Variants in LUZP2 observed in about 807,000 individuals in gnomAD.
The protein encoded by LUZP2 is leucine zipper protein 2.
LUZP2 carries 52 observed loss-of-function variants against 51.6 expected under a neutral mutation model. The ratio of observed to expected loss-of-function variants is 1.01; its 90% CI spans 0.81 to 1.27. LUZP2 has a LOEUF of 1.27. Among genes scored for constraint, LUZP2 ranks in the 50% most tolerant of loss-of-function variants. The pLI is 0.00. For synonymous variants in LUZP2, 154 were observed against 137.3 expected (o/e 1.12, Z -0.85); for missense variants, 436 against 395.4 (o/e 1.10, Z -0.87).
chr11:24,529,424 C>T (rs1850923472), intron 1 of LUZP2, among the ~76,000 whole-genome samples: 1 of 150,914 alleles, frequency 6.6e-6, no homozygotes, highest in Non-Finnish European at 1.5e-5. Flanking sequence ...AATCATGGTC[C>T]TCCTGAAAGT....
chr11:24,655,514 G>T (rs1306504917), intron 1 of LUZP2, among the ~76,000 whole-genome samples: 1 of 152,090 alleles, frequency 6.6e-6, no homozygotes, highest in African/African-American at 2.4e-5. Flanking sequence ...TCTTTAGATT[G>T]TAGGTACTTA....
At chr11:24,823,590 C>A (rs1434549991) in intron 5 of LUZP2, among the ~76,000 whole-genome samples, 3 of 151,980 alleles carry the variant, frequency 2.0e-5, no homozygotes, top group African/African-American at 7.3e-5. Flanking sequence ...AGCAATAGGT[C>A]CAAGTTGGTG....
At chr11:24,846,045 C>T (rs2631471) in intron 5 of LUZP2, among the ~76,000 whole-genome samples, 23,070 of 151,684 alleles carry the variant, frequency 0.15, 1,925 homozygotes, top group African/African-American at 0.2. Context: ...ATCCATTCAA[C>T]GCAGGCAAGG....
At chr11:25,027,035 A>G (rs912688493) in intron 9 of LUZP2, among the ~76,000 whole-genome samples, 7 of 152,002 alleles carry the variant, frequency 4.6e-5, no homozygotes, top group African/African-American at 1.7e-4. Context: ...ACAGATCACA[A>G]CCATCCACAA....
chr11:24,846,958 T>C (rs953169096), intron 5 of LUZP2, among the ~76,000 whole-genome samples: 1 of 151,724 alleles, frequency 6.6e-6, no homozygotes, highest in African/African-American at 2.4e-5. Context: ...CATATGTACG[T>C]ATATGTATAT....
At chr11:24,705,699 C>T (rs1226888513) in intron 1 of LUZP2, among the ~76,000 whole-genome samples, 2 of 152,178 alleles carry the variant, frequency 1.3e-5, no homozygotes, top group Non-Finnish European at 2.9e-5. Context: ...ATGCTGCCCA[C>T]AGCCACTACA....
intron 8 of LUZP2, among the ~76,000 whole-genome samples, chr11:24,981,560 G>C (rs568259299): frequency 2.2e-4 from 33 of 151,842 alleles, no homozygotes; most frequent in Admixed American, 1.5e-3. Context: ...TGGGAATGCA[G>C]CCCAGTAGGT....
chr11:25,051,127 A>G (rs2134023609), intron 10 of LUZP2, among the ~76,000 whole-genome samples: 1 of 152,220 alleles, frequency 6.6e-6, no homozygotes, highest in Middle Eastern at 3.4e-3. Flanking sequence ...AGGAATAGAA[A>G]AGTAAGTTAA....
At chr11:24,888,016 T>C (rs1405934538) in intron 5 of LUZP2, among the ~76,000 whole-genome samples, 2 of 152,332 alleles carry the variant, frequency 1.3e-5, no homozygotes, top group South Asian at 4.1e-4. Context: ...CACAATGGTT[T>C]ATTTTATTTA....
At chr11:24,796,437 G>T (rs942622335) in intron 5 of LUZP2, among the ~76,000 whole-genome samples, 4 of 150,300 alleles carry the variant, frequency 2.7e-5, no homozygotes, top group Non-Finnish European at 4.4e-5. Context: ...TATATAGGTT[G>T]CCCATAAAAA....
intron 5 of LUZP2, among the ~76,000 whole-genome samples, chr11:24,788,225 G>A (rs1489107065): frequency 8.5e-6 from 1 of 117,774 alleles, no homozygotes; most frequent in Non-Finnish European, 1.6e-5. Context: ...AGTCTCACTC[G>A]GTTGCCCAGG....
chr11:24,753,418 C>T (rs76814465), intron 4 of LUZP2, among the ~76,000 whole-genome samples: 1 of 152,102 alleles, frequency 6.6e-6, no homozygotes, highest in Non-Finnish European at 1.5e-5. Context: ...TTATGTCCCC[C>T]AGGGTATAGG....
chr11:25,043,494 A>G (rs142063763), intron 9 of LUZP2, among the ~76,000 whole-genome samples: 2 of 151,200 alleles, frequency 1.3e-5, no homozygotes, highest in East Asian at 2.0e-4. Context: ...GAAAGCAAAA[A>G]GCACACTGCG....
intron 4 of LUZP2, among the ~76,000 whole-genome samples, chr11:24,756,969 C>A (rs991522806): frequency 6.6e-5 from 10 of 152,282 alleles, no homozygotes; most frequent in African/African-American, 2.2e-4. Flanking sequence ...GAAACATCTA[C>A]ATTTACTAGT....
At chr11:24,781,964 A>G (rs1240383984) in intron 5 of LUZP2, among the ~76,000 whole-genome samples, 2 of 152,080 alleles carry the variant, frequency 1.3e-5, no homozygotes, top group African/African-American at 2.4e-5. Flanking sequence ...AAATCAATGC[A>G]TATGCCACGG....
chr11:24,579,542 T>C (rs1321387911), intron 1 of LUZP2, among the ~76,000 whole-genome samples: 3 of 152,142 alleles, frequency 2.0e-5, no homozygotes, highest in Non-Finnish European at 4.4e-5. Context: ...CAACTTTTGA[T>C]TCTTTGCTCT....
At chr11:24,858,871 C>A (rs906099966) in intron 5 of LUZP2, among the ~76,000 whole-genome samples, 12 of 152,116 alleles carry the variant, frequency 7.9e-5, no homozygotes, top group African/African-American at 2.7e-4. Flanking sequence ...GGGGATTATT[C>A]TTTAGTTTAT....
intron 9 of LUZP2, among the ~76,000 whole-genome samples, chr11:25,011,195 A>G (rs753450722): frequency 4.6e-5 from 7 of 152,206 alleles, no homozygotes; most frequent in South Asian, 2.1e-4. Context: ...CAATGAACAA[A>G]CCAATTACTA....
At chr11:24,947,339 G>A (rs987619193) in intron 7 of LUZP2, among the ~76,000 whole-genome samples, 2 of 151,798 alleles carry the variant, frequency 1.3e-5, no homozygotes, top group Non-Finnish European at 2.9e-5. Context: ...AGGAGCAGTT[G>A]GTATTTCTGT....
Sources: allele counts gnomAD v4.1 joint callset (sites outside exome capture counted in the v4.1 genomes callset), GRCh38; gene constraint gnomAD v4.1.1; transcripts MANE v1.5; gene names NCBI Gene and HGNC (gene_info 2026-07-23, HGNC 2026-07-21).